ACSF2: variants seen among roughly 807,000 people sequenced by gnomAD.
ACSF2 encodes the protein acyl-CoA synthetase family member 2.
Under a neutral mutation model 79.3 loss-of-function variants are expected in ACSF2, and 52 were observed. That is an observed-to-expected ratio of 0.66 (90% CI 0.53 to 0.83). The LOEUF is 0.83. ACSF2 is among the 40% of genes least tolerant of loss of function. ACSF2 has a pLI of 0.00. For missense variants in ACSF2, 661 were observed against 803.3 expected, an observed-to-expected ratio of 0.82 and a Z score of 2.14; for synonymous variants, 283 against 312.6, an observed-to-expected ratio of 0.91 and a Z score of 1.00.
intron 1 of ACSF2, among the ~76,000 whole-genome samples, chr17:50,427,707 AG>A (rs1472873462): frequency 6.6e-6 from 1 of 152,198 alleles, no homozygotes; most frequent in African/African-American, 2.4e-5. Context: ...CTGGCTCAGG[AG>A]GCTGCCCAAT....
At chr17:50,462,740 C>A in intron 6 of ACSF2, 155 bp downstream of exon 6, 1 of 868,894 alleles carries the variant, frequency 1.2e-6, no homozygotes, top group Admixed American at 2.8e-5. Flanking sequence ...AATATCAGCA[C>A]CTGGTGTCCT....
chr17:50,462,533 A>G lies in ACSF2; in HGVS notation c.740A>G (p.Tyr247Cys), dbSNP rs1283940717. The change falls in exon 6 of 16, where the codon TAC (tyrosine) becomes TGC (cysteine). Residue 247 changes from tyrosine (Y) to cysteine (C), a missense_variant. Transcript: ENST00000300441. ...STRQHLDQLQ[Y>C]NQQFLSCHDP... is the part of the protein sequence containing the mutation. ...CGGCAGCATCTGGACCAGCTCCAAT[A>G]CAACCAGCAGTTCCTGTCCTGCCAT... 9.3e-6 allele frequency: 15 copies of G among 1,613,708 alleles called. No individual in the cohort carries two copies. Among genetic ancestry groups the G allele is most frequent in the Non-Finnish European group, 1.3e-5 (15 of 1,179,926 alleles).
At position 50,461,627 on chromosome 17, in the gene ACSF2, C is replaced by T; in HGVS notation, c.454-6C>T. On this transcript the variant is annotated splice_region_variant and splice_polypyrimidine_tract_variant and intron_variant, in intron 3 of 15. Coordinates refer to ENST00000300441, the MANE Select transcript of ACSF2 (RefSeq NM_025149.6). Reference sequence around the variant, plus strand: ...AATACTGATATGCCCTCGCCGCTTCCACCAGGTGTCTGTGAACCCAGCCTA... The same window carrying T: ...AATACTGATATGCCCTCGCCGCTTCTACCAGGTGTCTGTGAACCCAGCCTA... 4 of 1,614,116 alleles carry T rather than the reference C, an allele frequency of 2.5e-6. No individual in the cohort carries two copies. The highest frequency in any genetic ancestry group is 2.5e-6 in the Non-Finnish European group (3 of 1,179,982).
intron 1 of ACSF2, among the ~76,000 whole-genome samples, chr17:50,426,741 G>A (rs1424559245): frequency 6.6e-6 from 1 of 152,246 alleles, no homozygotes. Flanking sequence ...CCAGGACACT[G>A]CCTCTGAGTT....
intron 12 of ACSF2, chr17:50,472,835 G>T: frequency 5.2e-6 from 2 of 381,640 alleles, no homozygotes; most frequent in Middle Eastern, 6.8e-4. Flanking sequence ...TGTTAGCTCA[G>T]CAAATTCTTA....
chr17:50,455,068 C>T (rs1056598037), intron 1 of ACSF2, among the ~76,000 whole-genome samples: 1 of 152,188 alleles, frequency 6.6e-6, no homozygotes, highest in South Asian at 2.1e-4. Context: ...CTGCAACCTC[C>T]GCCTCCCGGA....
chr17:50,460,183 T>C (rs1418959682), intron 1 of ACSF2: 2 of 456,116 alleles, frequency 4.4e-6, no homozygotes, highest in Non-Finnish European at 8.8e-6. Context: ...CCCTTTCCTA[T>C]TCTGTCTTTG....
At chr17:50,473,488 C>A in intron 12 of ACSF2, 177 bp from the exon 13 acceptor site, 1 of 784,060 alleles carries the variant, frequency 1.3e-6, no homozygotes, top group Non-Finnish European at 2.0e-6. Context: ...TTTTGTCTAC[C>A]TCCCCTCCCC....
intron 1 of ACSF2, chr17:50,427,128 A>G (rs1915066054): frequency 1.1e-5 from 9 of 803,852 alleles, no homozygotes; most frequent in Non-Finnish European, 1.8e-5. Flanking sequence ...AGCCCTGTGC[A>G]CTACTGAGCC....
At chr17:50,462,132 C>T (rs1429029102) in intron 4 of ACSF2, 52 bp from the exon 5 acceptor site, 4 of 1,520,918 alleles carry the variant, frequency 2.6e-6, no homozygotes, top group Non-Finnish European at 3.6e-6. Flanking sequence ...TCCCCCAGAG[C>T]TCTAGTCTGG....
Position 50,460,804 on chromosome 17 carries a change from C to G in ACSF2, c.256C>G (p.Pro86Ala), listed in dbSNP as rs777182644. 2.5e-6 allele frequency: 4 copies of G among 1,612,532 alleles called. No individual in the cohort carries two copies. The highest frequency in any genetic ancestry group is 3.4e-6 in the Non-Finnish European group (4 of 1,179,260). Residue 86 changes from proline (P) to alanine (A), a missense_variant, in exon 2 of 16, where the codon CCA (proline) becomes GCA (alanine). Transcript: ENST00000300441. ...CCTGGAGACCACAGCACAGAGGGTC[C>G]CAGAACGAGAGGCCTTGGTCGTCCT... ...QCLETTAQRVPEREALVVLHE... is the reference protein window; with the variant it reads ...QCLETTAQRVAEREALVVLHE...
At chr17:50,443,641 T>C (rs1256157590) in intron 1 of ACSF2, among the ~76,000 whole-genome samples, 1 of 152,118 alleles carries the variant, frequency 6.6e-6, no homozygotes, top group East Asian at 1.9e-4. Context: ...ACTAGGATGG[T>C]AGGGAGGGGC....
intron 1 of ACSF2, among the ~76,000 whole-genome samples, chr17:50,459,454 G>C (rs1332102241): frequency 1.3e-5 from 2 of 152,176 alleles, no homozygotes; most frequent in African/African-American, 4.8e-5. Flanking sequence ...TATTGCCCAG[G>C]CTGATCTCGA....
intron 10 of ACSF2, chr17:50,464,762 A>G: frequency 5.8e-6 from 1 of 171,650 alleles, no homozygotes; most frequent in Non-Finnish European, 1.1e-5. Flanking sequence ...TGTGGTTCTG[A>G]TTGACTTGGG....
At chr17:50,434,478 G>C (rs531187936) in intron 1 of ACSF2, among the ~76,000 whole-genome samples, 15 of 152,194 alleles carry the variant, frequency 9.9e-5, no homozygotes, top group African/African-American at 3.4e-4. Context: ...CCTGAGGTCA[G>C]GAGTTCAAGA....
chr17:50,454,646 C>G (rs1160213531), intron 1 of ACSF2, among the ~76,000 whole-genome samples: 1 of 152,170 alleles, frequency 6.6e-6, no homozygotes, highest in African/African-American at 2.4e-5. Flanking sequence ...CTCTTTAAAC[C>G]CCACTGGCCA....
In ACSF2 at chr17:50,442,325, A is replaced by T. The variant is rs1282653995; in HGVS notation, c.128+15936A>T. Among the ~76,000 whole-genome samples, 30 of 117,276 alleles carry T rather than the reference A, an allele frequency of 2.6e-4. No homozygotes were observed. The East Asian group carries it at 7.4e-3, about 29-fold the overall frequency. 76.9% of individuals were successfully genotyped at this position (117,276 alleles called of 152,430 possible). A position where few individuals can be genotyped will look rare whatever the true frequency, so the allele number is the denominator to read the frequency against. On this transcript the variant is annotated intron_variant, in intron 1 of 15. Transcript: ENST00000300441. ...CATCCCAAAAAAACAAAACAAAACAATTTTTTTTTTTTTTTTTTTGTAGAG... is the reference window on the plus strand; with the variant it reads ...CATCCCAAAAAAACAAAACAAAACATTTTTTTTTTTTTTTTTTTTGTAGAG...
Position 50,468,249 on chromosome 17 carries a change from C to G in ACSF2, c.1216-2779C>G, listed in dbSNP as rs147638039. ...AGGTTCTCCACGTCGTCCAGGGCCC[C>G]GGGCTGCAGGGAGCTCAACGCGTTT... On this transcript the variant is annotated intron_variant, in intron 10 of 15. Transcript: ENST00000300441. 163 of 1,611,480 alleles carry G rather than the reference C, an allele frequency of 1.0e-4. No homozygotes were observed. In the African/African-American group the frequency reaches 1.1e-3, roughly 11 times the overall value.
At chr17:50,430,078 G>A (rs1357432771) in intron 1 of ACSF2, among the ~76,000 whole-genome samples, 1 of 152,188 alleles carries the variant, frequency 6.6e-6, no homozygotes, top group Non-Finnish European at 1.5e-5. Flanking sequence ...TCAGAGCTGG[G>A]AAGGCAGAGA....
Sources: allele counts gnomAD v4.1 joint callset (sites outside exome capture counted in the v4.1 genomes callset), GRCh38; gene constraint gnomAD v4.1.1; transcripts MANE v1.5; gene names NCBI Gene and HGNC (gene_info 2026-07-23, HGNC 2026-07-21).